The following TCFL5 variants were observed in gnomAD, a reference collection of about 807,000 sequenced individuals.
The protein encoded by TCFL5 is transcription factor-like 5 protein.
Under a neutral mutation model 44.3 loss-of-function variants are expected in TCFL5, and 9 were observed. The observed-to-expected ratio is 0.20, with a 90% CI of 0.12 to 0.35. The LOEUF is 0.35. Ranked by LOEUF, TCFL5 falls within the 10% of genes least tolerant of loss-of-function variation. TCFL5 has a pLI of 1.00. For missense variants in TCFL5, 603 were observed against 613.4 expected, an observed-to-expected ratio of 0.98 and a Z score of 0.18; for synonymous variants, 319 against 271.6, an observed-to-expected ratio of 1.17 and a Z score of -1.72.
intron 5 of TCFL5, among the ~76,000 whole-genome samples, chr20:62,848,879 C>A (rs1375320397): frequency 6.6e-6 from 1 of 151,790 alleles, no homozygotes; most frequent in Non-Finnish European, 1.5e-5. Flanking sequence ...CTATTAAATA[C>A]AAAAATTAGC....
intron 4 of TCFL5, among the ~76,000 whole-genome samples, chr20:62,855,324 C>A (rs2063871188): frequency 6.6e-6 from 1 of 152,098 alleles, no homozygotes; most frequent in South Asian, 2.1e-4. Context: ...ACCACCACTA[C>A]TAGTATTGTT....
intron 3 of TCFL5, 36 bp from the exon 4 acceptor site, chr20:62,857,674 G>A (rs1488344317): frequency 1.4e-5 from 23 of 1,601,010 alleles, no homozygotes; most frequent in Non-Finnish European, 2.0e-5. Context: ...TTTTAATTTT[G>A]TATTCTTATC....
At chr20:62,853,990 G>C in intron 5 of TCFL5, 26 bp downstream of exon 5, 1 of 1,607,356 alleles carries the variant, frequency 6.2e-7, no homozygotes, top group Non-Finnish European at 8.5e-7. Flanking sequence ...GTAAAATTCT[G>C]AAAATCTACC....
Position 62,861,568 on chromosome 20 carries a change from G to A in TCFL5, c.103C>T (p.Pro35Ser), listed in dbSNP as rs747177220. 14 of 1,109,840 alleles carry A rather than the reference G, an allele frequency of 1.3e-5. No individual in the cohort carries two copies. The highest frequency in any genetic ancestry group is 5.7e-5 in the East Asian group (1 of 17,628). 68.7% of individuals were successfully genotyped at this position (1,109,840 alleles called of 1,614,324 possible). Residue 35 changes from proline to serine, a missense_variant, in exon 1 of 6, where the codon CCG becomes TCG. Physicochemically the swap from Pro to Ser is moderately conservative, Grantham distance 74 (BLOSUM62 -1). Transcript: ENST00000335351. The surrounding 1 kb of genome is among the most constrained non-coding windows in gnomAD (Gnocchi z 4.0). ...AGGGDAALGEPGLSFTTTDLS... is the reference protein window; with the variant it reads ...AGGGDAALGESGLSFTTTDLS... Reference sequence around the variant, plus strand: ...TCGGTGGTCGTGAAGCTCAGCCCCGGCTCGCCCAGCGCCGCGTCCCCGCCG... The same window carrying A: ...TCGGTGGTCGTGAAGCTCAGCCCCGACTCGCCCAGCGCCGCGTCCCCGCCG...
In TCFL5 at chr20:62,852,611, G is replaced by A. The variant is rs547156166; in HGVS notation, c.1380+1405C>T. On this transcript the variant is annotated intron_variant, in intron 5 of 5. Coordinates refer to ENST00000335351, the MANE Select transcript of TCFL5 (RefSeq NM_006602.4). ...GGACTGCATATGCTGGCGCTAACAC[G>A]CCGGCTCCTCCCTAGTCACCCAGTC... 2.6e-5 allele frequency: 26 copies of A among 985,448 alleles called. No individual in the cohort carries two copies. In the African/African-American group the frequency reaches 3.0e-4, roughly 11 times the overall value. The allele number at this position is 985,448 out of a possible 1,614,324, so 61.0% of individuals were successfully genotyped here. A position where few individuals can be genotyped will look rare whatever the true frequency, so the allele number is the denominator to read the frequency against.
rs750268014 is a variant in TCFL5 at position 62,857,688 on chromosome 20, A to G, written c.995-50T>C. The G allele has an allele frequency of 4.4e-5, 70 of 1,589,288 alleles. 2 individuals are homozygous for G. In the South Asian group the frequency reaches 5.7e-4, roughly 13 times the overall value. ...TTTTTAATTTTGTATTCTTATCTCA[A>G]TTAATGCTGAATACAGTTTTGGCCT... On this transcript the variant is annotated intron_variant, in intron 3 of 5. Transcript: ENST00000335351.
intron 4 of TCFL5, among the ~76,000 whole-genome samples, chr20:62,855,368 G>T (rs2063871997): frequency 6.6e-6 from 1 of 152,118 alleles, no homozygotes; most frequent in Non-Finnish European, 1.5e-5. Context: ...TTGCTATGTT[G>T]CCCAGGCTGG....
At chr20:62,849,955 A>AAAAAT (rs2063786957) in intron 5 of TCFL5, among the ~76,000 whole-genome samples, 1 of 151,682 alleles carries the variant, frequency 6.6e-6, no homozygotes, top group Admixed American at 6.6e-5. Flanking sequence ...CCTGTCTCAA[A>AAAAAT]AAAATAAAAC....
Position 62,861,049 on chromosome 20 carries a change from G to A in TCFL5, c.622C>T (p.Pro208Ser), listed in dbSNP as rs950449388. 3.8e-5 allele frequency: 38 copies of A among 995,114 alleles called. No individual in the cohort carries two copies. In the African/African-American group the frequency reaches 6.7e-4, roughly 17 times the overall value. 61.6% of individuals were successfully genotyped at this position (995,114 alleles called of 1,614,324 possible). The change falls in exon 1 of 6, where the codon CCC (proline) becomes TCC (serine). Residue 208 changes from proline to serine, a missense_variant. This residue lies in a region of TCFL5 where 540 missense variants were observed against 478.7 expected (regional missense o/e 1.13). Transcript: ENST00000335351. This position sits in a 1 kb window ranked among gnomAD's most constrained non-coding sequence, Gnocchi z 4.0. ...TTGTTGAGCGCCCCGCCCGGCTCGGGGGGCTCGGGGCCGCGCGGCGCGGGC... is the reference window on the plus strand; with the variant it reads ...TTGTTGAGCGCCCCGCCCGGCTCGGAGGGCTCGGGGCCGCGCGGCGCGGGC... ...PPPAPRGPEP[P>S]EPGGALNNLV... is the part of the protein sequence containing the mutation.
chr20:62,844,585 T>G (rs1056604703), intron 5 of TCFL5, among the ~76,000 whole-genome samples: 16 of 150,354 alleles, frequency 1.1e-4, no homozygotes, highest in Non-Finnish European at 2.1e-4. Flanking sequence ...GTTTTTTGTT[T>G]TTTTTTTTTT....
rs906616020 is a variant in TCFL5, at chr20:62,842,197, C to T, written c.1381-100G>A. On this transcript the variant is annotated intron_variant, in intron 5 of 5. Coordinates refer to ENST00000335351, the MANE Select transcript of TCFL5 (RefSeq NM_006602.4). This position sits in a 1 kb window ranked among gnomAD's most constrained non-coding sequence, Gnocchi z 4.3. ...TTCAAATTAAGAGCTAAGTAAATGA[C>T]TTTAGAATACGCTGTTTTAAGGTGT... 5.5e-6 allele frequency: 8 copies of T among 1,457,502 alleles called. No individual in the cohort carries two copies. The African/African-American group carries it at 9.8e-5, about 18-fold the overall frequency. The allele number at this position is 1,457,502 out of a possible 1,614,324, so 90.3% of individuals were successfully genotyped here.
intron 5 of TCFL5, among the ~76,000 whole-genome samples, chr20:62,847,404 A>G (rs1215075193): frequency 6.6e-6 from 1 of 152,216 alleles, no homozygotes; most frequent in Non-Finnish European, 1.5e-5. Context: ...AATAAAGATA[A>G]GAGCAAATTA....
rs1027646958 is a variant in TCFL5, at chr20:62,850,547, G to A, written c.1380+3469C>T. Among the ~76,000 whole-genome samples the A allele has an allele frequency of 2.0e-5, 3 of 152,182 alleles. 1 individual carries two copies. In the East Asian group the frequency reaches 5.8e-4, roughly 29 times the overall value. On this transcript the variant is annotated intron_variant, in intron 5 of 5. Transcript: ENST00000335351. ...TCCTCCTCCCCAGCGCCGCCCCCTG[G>A]CAGCCATCGCCCGGCAAGCCACATC...
At chr20:62,852,917 G>A (rs867904354) in intron 5 of TCFL5, 9 of 1,287,978 alleles carry the variant, frequency 7.0e-6, no homozygotes, top group Middle Eastern at 2.1e-4. Context: ...CCAGTCAGCA[G>A]AAGTATATTC....
intron 5 of TCFL5, chr20:62,845,212 C>T (rs913659027): frequency 6.2e-5 from 57 of 917,072 alleles, no homozygotes; most frequent in Non-Finnish European, 6.9e-5. Context: ...ACCTTTGCCT[C>T]CTGGGTTCAA....
chr20:62,848,658 A>T (rs1038164499), intron 5 of TCFL5, among the ~76,000 whole-genome samples: 2 of 151,676 alleles, frequency 1.3e-5, no homozygotes, highest in Non-Finnish European at 2.9e-5. Context: ...GAATCGCTTG[A>T]ATCCAGGAGG....
intron 5 of TCFL5, among the ~76,000 whole-genome samples, chr20:62,844,297 G>A (rs2063712063): frequency 1.3e-5 from 2 of 152,180 alleles, no homozygotes; most frequent in Non-Finnish European, 1.5e-5. Flanking sequence ...GTATCTCATT[G>A]GGTCTTGATT....
intron 5 of TCFL5, among the ~76,000 whole-genome samples, chr20:62,850,560 G>A (rs796675137): frequency 1.8e-4 from 28 of 152,126 alleles, no homozygotes; most frequent in African/African-American, 6.3e-4. Flanking sequence ...GCCATCGCCC[G>A]GCAAGCCACA....
At chr20:62,854,694 T>C (rs112723849) in intron 4 of TCFL5, among the ~76,000 whole-genome samples, 70 of 152,364 alleles carry the variant, frequency 4.6e-4, no homozygotes, top group Non-Finnish European at 7.6e-4. Flanking sequence ...ACTTGGTCTT[T>C]GTAGAGATAA....
Sources: gnomAD v4.1 joint callset for allele counts (sites outside exome capture counted in the v4.1 genomes callset) on GRCh38, gnomAD v4.1.1 for gene constraint, gnomAD v4.1.1 regional missense constraint, Gnocchi (gnomAD v3.1) non-coding constraint, MANE v1.5 for transcripts, NCBI Gene and HGNC (gene_info 2026-07-23, HGNC 2026-07-21) for gene names.